EYS: variants seen among roughly 807,000 people sequenced by gnomAD.
EYS encodes protein eyes shut homolog.
Under a neutral mutation model 282.1 loss-of-function variants are expected in EYS, and 250 were observed. The ratio of observed to expected loss-of-function variants is 0.89; its 90% CI spans 0.80 to 0.98. The LOEUF (loss-of-function observed/expected upper bound fraction) is 0.98. Among genes scored for constraint, EYS ranks in the 50% least tolerant of loss-of-function variants. EYS has a pLI of 0.00. For synonymous variants in EYS, 1,355 were observed against 1,282.9 expected, an observed-to-expected ratio of 1.06 and a Z score of -1.20; for missense variants, 4,016 against 3,709.0, an observed-to-expected ratio of 1.08 and a Z score of -2.15.
At chr6:64,798,605 T>C (rs1220371636) in intron 22 of EYS, among the ~76,000 whole-genome samples, 3 of 131,006 alleles carry the variant, frequency 2.3e-5, no homozygotes, top group African/African-American at 5.8e-5. Context: ...TCTTTGTTTC[T>C]GGTTTTTTTT....
intron 22 of EYS, among the ~76,000 whole-genome samples, chr6:64,778,442 C>T (rs1034553715): frequency 1.3e-5 from 2 of 152,172 alleles, no homozygotes; most frequent in Non-Finnish European, 2.9e-5. Context: ...TAGGGGAAGA[C>T]AATCTGCCCT....
chr6:65,601,867 A>T (rs1384681424), intron 2 of EYS, among the ~76,000 whole-genome samples: 1 of 152,004 alleles, frequency 6.6e-6, no homozygotes, highest in African/African-American at 2.4e-5. Flanking sequence ...ATATCAAAAC[A>T]TATAATTAGT....
intron 36 of EYS, among the ~76,000 whole-genome samples, chr6:63,806,617 TG>T (rs1232148284): frequency 1.3e-5 from 2 of 152,326 alleles, no homozygotes; most frequent in Admixed American, 1.3e-4. Context: ...TTCTACATAA[TG>T]GATAATTTAC....
rs58357999 is a variant in EYS at position 65,280,920 on chromosome 6, T to C, written c.2023+14943A>G. Reference sequence around the variant, plus strand: ...GTGTGGTGGTGTGTGCCTGTAATCCTAGCTACTTGGGAAGCTGAGACAGGA... The same window carrying C: ...GTGTGGTGGTGTGTGCCTGTAATCCCAGCTACTTGGGAAGCTGAGACAGGA... On this transcript the variant is annotated intron_variant, in intron 12 of 42. Coordinates refer to ENST00000503581, the MANE Select transcript of EYS (RefSeq NM_001142800.2). Among the ~76,000 whole-genome samples the C allele has an allele frequency of 2.0e-5, 3 of 147,426 alleles. No individual in the cohort carries two copies. In the East Asian group the frequency reaches 6.0e-4, roughly 29 times the overall value.
At chr6:64,081,744 A>G (rs998062149) in intron 32 of EYS, 112 bp downstream of exon 32, 6 of 862,248 alleles carry the variant, frequency 7.0e-6, no homozygotes, top group Non-Finnish European at 1.0e-5. Flanking sequence ...TGCTTCATGC[A>G]CTGGTCTGGA....
intron 1 of EYS, among the ~76,000 whole-genome samples, chr6:65,670,927 G>A (rs1228132555): frequency 7.9e-5 from 12 of 151,540 alleles, no homozygotes; most frequent in Admixed American, 7.2e-4. Flanking sequence ...TTTTCACCGA[G>A]ACACATTTAA....
At chr6:64,056,655 T>C (rs1249764950) in intron 33 of EYS, among the ~76,000 whole-genome samples, 2 of 152,184 alleles carry the variant, frequency 1.3e-5, no homozygotes, top group Non-Finnish European at 2.9e-5. Context: ...CAGGAGAATG[T>C]TCCTTTGGTA....
intron 39 of EYS, among the ~76,000 whole-genome samples, chr6:63,779,499 G>T (rs1288565514): frequency 6.6e-6 from 1 of 150,562 alleles, no homozygotes; most frequent in Non-Finnish European, 1.5e-5. Flanking sequence ...TCTACCCCAA[G>T]ATTGGATAAA....
At chr6:63,815,781 C>G (rs899531524) in intron 36 of EYS, among the ~76,000 whole-genome samples, 1 of 152,074 alleles carries the variant, frequency 6.6e-6, no homozygotes, top group Admixed American at 6.5e-5. Flanking sequence ...AGTGCTTGAA[C>G]GTTTGGAGAC....
chr6:64,649,868 T>C (rs1017469168), intron 22 of EYS, among the ~76,000 whole-genome samples: 19 of 152,110 alleles, frequency 1.2e-4, no homozygotes, highest in African/African-American at 4.6e-4. Context: ...TAAATATATA[T>C]CTAGAACCAT....
intron 26 of EYS, among the ~76,000 whole-genome samples, chr6:64,465,072 T>C (rs1354694240): frequency 6.6e-6 from 1 of 151,936 alleles, no homozygotes; most frequent in Non-Finnish European, 1.5e-5. Flanking sequence ...AAAAGACCTG[T>C]ACATTGAAAA....
intron 36 of EYS, among the ~76,000 whole-genome samples, chr6:63,848,900 C>A (rs1382016430): frequency 6.6e-6 from 1 of 152,194 alleles, no homozygotes; most frequent in Admixed American, 6.5e-5. Context: ...GCGGATCCCA[C>A]CTCCATGGAG....
In EYS at chr6:65,495,420, G is replaced by A. The variant is rs1357375370; in HGVS notation, c.-10C>T. 6.2e-7 allele frequency: 1 copy of A among 1,606,826 alleles called. No homozygotes were observed. The highest frequency in any genetic ancestry group is 8.5e-7 in the Non-Finnish European group (1 of 1,179,782). Reference sequence around the variant, plus strand: ...TTGATTTGTCAGTCATTTTCGGGTAGCTGTATTTTACAGTTTATCATAAAG... The same window carrying A: ...TTGATTTGTCAGTCATTTTCGGGTAACTGTATTTTACAGTTTATCATAAAG... On this transcript the variant is annotated 5_prime_UTR_variant, in exon 4 of 43. Transcript: ENST00000503581.
At chr6:65,490,245 G>T (rs1347703658) in intron 5 of EYS, 3 of 164,744 alleles carry the variant, frequency 1.8e-5, no homozygotes, top group African/African-American at 7.2e-5. Flanking sequence ...CAGTGAAAAT[G>T]TCCATAATTT....
At chr6:64,165,584 A>G (rs1764265251) in intron 31 of EYS, among the ~76,000 whole-genome samples, 1 of 152,198 alleles carries the variant, frequency 6.6e-6, no homozygotes, top group African/African-American at 2.4e-5. Flanking sequence ...GTCCTCAATT[A>G]TGAATAATAC....
At chr6:63,878,514 G>A (rs1383027907) in intron 35 of EYS, among the ~76,000 whole-genome samples, 1 of 152,178 alleles carries the variant, frequency 6.6e-6, no homozygotes. Flanking sequence ...TGTCAGATAG[G>A]GACGTTTAAG....
chr6:65,213,771 T>A (rs1176090450), intron 12 of EYS, among the ~76,000 whole-genome samples: 1 of 152,096 alleles, frequency 6.6e-6, no homozygotes, highest in African/African-American at 2.4e-5. Context: ...TAAGTAATAA[T>A]CCTACATGGC....
chr6:64,400,724 A>G (rs1773514492), intron 28 of EYS, among the ~76,000 whole-genome samples: 1 of 152,076 alleles, frequency 6.6e-6, no homozygotes, highest in African/African-American at 2.4e-5. Context: ...GGCTTTTTAA[A>G]TGCTTTCTCT....
chr6:64,766,865 G>C (rs1031187594), intron 22 of EYS, among the ~76,000 whole-genome samples: 2 of 150,626 alleles, frequency 1.3e-5, no homozygotes, highest in South Asian at 4.2e-4. Context: ...TTACCTTAAA[G>C]GATGCTAAGG....
Sources: gnomAD v4.1 joint callset for allele counts (sites outside exome capture counted in the v4.1 genomes callset) on GRCh38, gnomAD v4.1.1 for gene constraint, MANE v1.5 for transcripts, NCBI Gene and HGNC (gene_info 2026-07-23, HGNC 2026-07-21) for gene names.